Variants in HERC1 observed in about 807,000 individuals in gnomAD.
HERC1 encodes the protein probable E3 ubiquitin-protein ligase HERC1.
HERC1 carries 160 observed loss-of-function variants against 554.3 expected under a neutral mutation model. The observed-to-expected ratio is 0.29, with a 90% confidence interval of 0.25 to 0.33. The LOEUF (loss-of-function observed/expected upper bound fraction) is 0.33, where lower values mean the gene tolerates loss of function less well. Ranked by LOEUF, HERC1 falls within the 10% of genes least tolerant of loss-of-function variation. The pLI, the probability that HERC1 is intolerant of heterozygous loss-of-function variation, is 1.00. For missense variants in HERC1, 4,919 were observed against 5,918.5 expected, an observed-to-expected ratio of 0.83 and a Z score of 5.54; for synonymous variants, 2,175 against 2,131.7, an observed-to-expected ratio of 1.02 and a Z score of -0.56.
At chr15:63,662,926 A>G in intron 44 of HERC1, 58 bp downstream of exon 44, 1 of 1,312,618 alleles carries the variant, frequency 7.6e-7, no homozygotes, top group Non-Finnish European at 1.1e-6. Context: ...TTAGTAAGCT[A>G]TATGAACAGG....
At chr15:63,651,176 G>A in intron 53 of HERC1, 77 bp downstream of exon 53, 1 of 1,363,928 alleles carries the variant, frequency 7.3e-7, no homozygotes, top group Middle Eastern at 1.9e-4. Context: ...AGAAACCACT[G>A]TTTGGACTCA....
intron 51 of HERC1, among the ~76,000 whole-genome samples, chr15:63,653,046 G>A (rs1324444141): frequency 6.6e-6 from 1 of 152,130 alleles, no homozygotes; most frequent in Non-Finnish European, 1.5e-5. Flanking sequence ...TGAATTATCT[G>A]AGACCTATTA....
Position 63,638,473 on chromosome 15 carries a change from C to A in HERC1, c.12031G>T (p.Ala4011Ser), listed in dbSNP as rs772809244. ...LWGAGRHGQL[A>S]EAGRNVMVPA... ...ACCATTACATTTCTTCCAGCTTCTG[C>A]CAGCTGTCCATGCCTACCAGCACCC... The change falls in exon 63 of 78, where the codon GCA (alanine) becomes TCA (serine). Residue 4011 changes from alanine (A) to serine (S), a missense_variant. Around this residue, in one of 11 missense-constraint regions of HERC1, gnomAD observed 122 missense variants for 195.2 expected, o/e 0.63. Transcript: ENST00000443617. 2 of 1,613,892 alleles carry A rather than the reference C, an allele frequency of 1.2e-6. No homozygotes were observed. Among genetic ancestry groups the A allele is most frequent in the South Asian group, 1.1e-5 (1 of 91,084 alleles).
intron 1 of HERC1, among the ~76,000 whole-genome samples, chr15:63,814,183 T>C (rs756108105): frequency 8.5e-5 from 13 of 152,244 alleles, no homozygotes; most frequent in Non-Finnish European, 1.8e-4. Context: ...TCTGGACAAC[T>C]ATACATCATA....
chr15:63,654,772 G>A (rs561402290), intron 50 of HERC1, among the ~76,000 whole-genome samples: 10 of 152,032 alleles, frequency 6.6e-5, no homozygotes, highest in African/African-American at 1.9e-4. Context: ...GGGAGGCTGA[G>A]GCAGGAGAAT....
chr15:63,792,096 T>A (rs944286909), intron 1 of HERC1, among the ~76,000 whole-genome samples: 25 of 152,194 alleles, frequency 1.6e-4, no homozygotes, highest in African/African-American at 6.0e-4. Flanking sequence ...AATTGACCAA[T>A]ATTCTCCAAC....
chr15:63,613,707 C>T (rs1048321574), intron 76 of HERC1, among the ~76,000 whole-genome samples: 2 of 151,856 alleles, frequency 1.3e-5, no homozygotes, highest in African/African-American at 4.8e-5. Context: ...CAATGGTTTG[C>T]CCTGTCATCC....
At chr15:63,685,317 G>C (rs2071692305) in intron 34 of HERC1, among the ~76,000 whole-genome samples, 1 of 152,248 alleles carries the variant, frequency 6.6e-6, no homozygotes, top group South Asian at 2.1e-4. Flanking sequence ...AGGCCCCATG[G>C]GGGCAGGTCA....
At chr15:63,797,123 C>G (rs1454392403) in intron 1 of HERC1, among the ~76,000 whole-genome samples, 1 of 152,122 alleles carries the variant, frequency 6.6e-6, no homozygotes, top group Non-Finnish European at 1.5e-5. Context: ...TATAGTTTGA[C>G]CTTAAAGCAA....
chr15:63,621,576 T>C (rs1459132171), intron 74 of HERC1, among the ~76,000 whole-genome samples: 3 of 152,070 alleles, frequency 2.0e-5, no homozygotes, highest in Non-Finnish European at 2.9e-5. Context: ...CTGGATACTA[T>C]CCTGCAGAGT....
intron 12 of HERC1, among the ~76,000 whole-genome samples, chr15:63,741,821 A>G (rs1442379530): frequency 6.6e-6 from 1 of 152,178 alleles, no homozygotes; most frequent in Admixed American, 6.5e-5. Flanking sequence ...TAGACTCTTA[A>G]TTCTATTCCA....
chr15:63,632,923 C>T, intron 67 of HERC1, 112 bp from the exon 68 acceptor site: 1 of 707,436 alleles, frequency 1.4e-6, no homozygotes, highest in Admixed American at 2.6e-5. Flanking sequence ...CTAATTGTCA[C>T]TTACCTGTTC....
intron 1 of HERC1, among the ~76,000 whole-genome samples, chr15:63,826,784 TAAAAAAAAAAAAAAAA>T (rs71456333): frequency 4.0e-4 from 15 of 37,108 alleles, no homozygotes; most frequent in Admixed American, 3.1e-3. Flanking sequence ...TTATCTCTGG[TAAAAAAAAAAAAAAAA>T]AAAAAAAAAA....
At chr15:63,625,500 CCTGA>C (rs1489378414) in intron 71 of HERC1, among the ~76,000 whole-genome samples, 1 of 151,902 alleles carries the variant, frequency 6.6e-6, no homozygotes, top group African/African-American at 2.4e-5. Flanking sequence ...TCGAGACCAG[CCTGA>C]CTAACATGGT....
At position 63,615,945 on chromosome 15, in the gene HERC1, T is replaced by G. The variant is rs754876718; in HGVS notation, c.13942-25A>C. The G allele has an allele frequency of 1.9e-6, 3 of 1,552,268 alleles. No homozygotes were observed. The South Asian group carries it at 3.7e-5, about 19-fold the overall frequency. On this transcript the variant is annotated intron_variant, in intron 75 of 77. Transcript: ENST00000443617. Reference sequence around the variant, plus strand: ...TCTAGGAACAGAAGAAAACAGAATTTTTATTACATGGTAGAAATGACAGCA... The same window carrying G: ...TCTAGGAACAGAAGAAAACAGAATTGTTATTACATGGTAGAAATGACAGCA...
chr15:63,656,819 C>T (rs2070065875), intron 48 of HERC1, among the ~76,000 whole-genome samples: 1 of 152,140 alleles, frequency 6.6e-6, no homozygotes, highest in Non-Finnish European at 1.5e-5. Flanking sequence ...AATATATGTA[C>T]TCTTTTGTGT....
In HERC1 at chr15:63,661,015, G is replaced by C; in HGVS notation, c.9181C>G (p.Gln3061Glu). Residue 3061 changes from glutamine to glutamate, a missense_variant, in exon 46 of 78, where the codon CAA becomes GAA. By Grantham distance (29) the Gln-to-Glu change is conservative. Transcript: ENST00000443617. ...KSTSSERYKG[Q>E]APDLIGKQDS... ...TGCTTGCCAATTAGATCTGGAGCTT[G>C]TCCCTTGTACCTGCACCAAACATGA... The C allele has an allele frequency of 6.2e-7, 1 of 1,611,968 alleles. No homozygotes were observed. The highest frequency in any genetic ancestry group is 1.1e-5 in the South Asian group (1 of 91,028).
Position 63,655,820 on chromosome 15 carries a change from G to C in HERC1, c.10006C>G (p.Gln3336Glu). Reference sequence around the variant, plus strand: ...TCTGCTAGCAATGCCACAAGGGCCTGTGTTACAACAAAGTTTGGGGAGGTC... The same window carrying C: ...TCTGCTAGCAATGCCACAAGGGCCTCTGTTACAACAAAGTTTGGGGAGGTC... ...LVTSPNFVVT[Q>E]ALVALLADKG... Residue 3336 changes from glutamine (Q) to glutamate (E), a missense_variant, in exon 50 of 78, where the codon CAG (glutamine) becomes GAG (glutamate). Coordinates refer to ENST00000443617, the MANE Select transcript of HERC1 (RefSeq NM_003922.4). The C allele has an allele frequency of 3.8e-6, 6 of 1,596,576 alleles. No individual in the cohort carries two copies. Among genetic ancestry groups the C allele is most frequent in the Non-Finnish European group, 5.1e-6 (6 of 1,170,722 alleles).
In HERC1 at chr15:63,758,335, C is replaced by T. The variant is rs774943082; in HGVS notation, c.1061G>A (p.Cys354Tyr). ...CRMASDYSRTCASPDSIQTGD... is the reference protein window; with the variant it reads ...CRMASDYSRTYASPDSIQTGD... ...AGTCTGAATGCTATCTGGGCTAGCA[C>T]ATGTTCTCGAATAATCAGAAGCCAT... Residue 354 changes from cysteine to tyrosine, a missense_variant, in exon 4 of 78, where the codon TGT becomes TAT. Cys to Tyr is a radical substitution (Grantham distance 194). This residue lies in a region of HERC1 where 744 missense variants were observed against 1,090.0 expected (regional missense o/e 0.68). Transcript: ENST00000443617. The surrounding 1 kb of genome is among the most constrained non-coding windows in gnomAD (Gnocchi z 4.0). The T allele has an allele frequency of 1.2e-6, 2 of 1,600,428 alleles. No individual in the cohort carries two copies. Among genetic ancestry groups the T allele is most frequent in the Non-Finnish European group, 8.6e-7 (1 of 1,168,894 alleles).
Sources: gnomAD v4.1 joint callset for allele counts (sites outside exome capture counted in the v4.1 genomes callset) on GRCh38, gnomAD v4.1.1 for gene constraint, gnomAD v4.1.1 regional missense constraint, Gnocchi (gnomAD v3.1) non-coding constraint, MANE v1.5 for transcripts, NCBI Gene and HGNC (gene_info 2026-07-23, HGNC 2026-07-21) for gene names.